The following ELAPOR1 variants were observed in gnomAD, a reference collection of about 807,000 sequenced individuals.
ELAPOR1 encodes the protein endosome-lysosome associated apoptosis and autophagy regulator 1.
ELAPOR1 carries 77 observed loss-of-function variants against 119.7 expected under a neutral mutation model. That is an observed-to-expected ratio of 0.64 (90% CI 0.54 to 0.78). The LOEUF (loss-of-function observed/expected upper bound fraction) is 0.78, where lower values mean the gene tolerates loss of function less well. Ranked by LOEUF, ELAPOR1 falls within the 30% of genes least tolerant of loss-of-function variation. ELAPOR1 has a pLI of 0.00. For missense variants in ELAPOR1, 1,115 were observed against 1,270.4 expected, an observed-to-expected ratio of 0.88 and a Z score of 1.86; for synonymous variants, 481 against 487.2, an observed-to-expected ratio of 0.99 and a Z score of 0.17.
At chr1:109,148,502 T>C (rs1052754899) in intron 1 of ELAPOR1, among the ~76,000 whole-genome samples, 3 of 152,234 alleles carry the variant, frequency 2.0e-5, no homozygotes, top group Admixed American at 6.5e-5. Flanking sequence ...AGAACACATA[T>C]GGGAACTCTC....
intron 1 of ELAPOR1, among the ~76,000 whole-genome samples, chr1:109,145,535 G>A (rs1558030363): frequency 2.0e-5 from 3 of 151,824 alleles, no homozygotes; most frequent in Admixed American, 6.6e-5. Flanking sequence ...GCGCACTTGT[G>A]GTCTCAGCTA....
intron 3 of ELAPOR1, among the ~76,000 whole-genome samples, chr1:109,170,976 T>C (rs1221379571): frequency 1.3e-5 from 2 of 152,220 alleles, no homozygotes; most frequent in Non-Finnish European, 2.9e-5. Context: ...CAGCATCTTA[T>C]AGTAGACATT....
intron 1 of ELAPOR1, among the ~76,000 whole-genome samples, chr1:109,148,051 A>T (rs1371074762): frequency 6.7e-6 from 1 of 149,258 alleles, no homozygotes; most frequent in Non-Finnish European, 1.5e-5. Context: ...GTTAGCCAGG[A>T]TGGTCTCGAT....
At chr1:109,157,729 G>A (rs1289273645) in intron 1 of ELAPOR1, among the ~76,000 whole-genome samples, 1 of 152,166 alleles carries the variant, frequency 6.6e-6, no homozygotes, top group East Asian at 1.9e-4. Context: ...CATGAAAGAG[G>A]CTAACCCAGT....
chr1:109,123,110 T>C (rs1419147128), intron 1 of ELAPOR1, among the ~76,000 whole-genome samples: 1 of 152,178 alleles, frequency 6.6e-6, no homozygotes, highest in East Asian at 1.9e-4. Context: ...AGCTGGTAGA[T>C]TGACTGCAAG....
At chr1:109,197,726 AGT>A in intron 16 of ELAPOR1, 72 bp downstream of exon 16, 3 of 1,467,178 alleles carry the variant, frequency 2.0e-6, no homozygotes, top group South Asian at 1.3e-5. Context: ...TGTGTAAGAG[AGT>A]GTGAGGTTAC....
Position 109,171,887 on chromosome 1 carries a change from C to A in ELAPOR1, c.489C>A (p.Gly163=). 1 of 1,614,200 alleles carries A rather than the reference C, an allele frequency of 6.2e-7. No individual in the cohort carries two copies. Among genetic ancestry groups the A allele is most frequent in the Non-Finnish European group, 8.5e-7 (1 of 1,180,024 alleles). Residue 163 remains glycine (G), a synonymous_variant, in exon 4 of 22, where the codon GGC becomes GGA. Coordinates refer to ENST00000369939, the MANE Select transcript of ELAPOR1 (RefSeq NM_020775.5). ...ACAGGTCCAAGTGGGTTCCCCGGGG[C>A]GACTACATCGCCTCCAACACGGACG... ...NCTSSKWVPR[G]DYIASNTDEC...
intron 1 of ELAPOR1, among the ~76,000 whole-genome samples, chr1:109,133,516 T>G (rs530421264): frequency 1.3e-5 from 2 of 152,304 alleles, no homozygotes; most frequent in East Asian, 3.9e-4. Flanking sequence ...TGCAGAGAGA[T>G]TCACCAATTA....
intron 14 of ELAPOR1, 28 bp from the exon 15 acceptor site, chr1:109,194,393 T>C (rs773528548): frequency 8.7e-6 from 14 of 1,605,426 alleles, no homozygotes; most frequent in Non-Finnish European, 1.0e-5. Context: ...CCTGACCAGC[T>C]GGCCCGACCC....
rs1296463049 is a variant in ELAPOR1, at chr1:109,144,062, T to TATA, written c.154-17832_154-17831insATA. On this transcript the variant is annotated intron_variant, in intron 1 of 21. Coordinates refer to ENST00000369939, the MANE Select transcript of ELAPOR1 (RefSeq NM_020775.5). ...ATATATATATATATATATTTATATA[T>TATA]TTTTTTTTTTTTTTGAGATGGAGTT... is the stretch of plus-strand genomic sequence containing the variant. Among the ~76,000 whole-genome samples, 38 of 36,522 alleles carry TATA rather than the reference T, an allele frequency of 1.0e-3. 1 individual carries two copies. The highest frequency in any genetic ancestry group is 1.5e-3 in the East Asian group (1 of 674). The allele number at this position is 36,522 out of a possible 152,430, so 24.0% of individuals were successfully genotyped here.
chr1:109,169,831 G>T (rs1651820197), intron 3 of ELAPOR1, among the ~76,000 whole-genome samples: 1 of 152,168 alleles, frequency 6.6e-6, no homozygotes, highest in South Asian at 2.1e-4. Flanking sequence ...TAAATGGGAG[G>T]CTCACATACA....
chr1:109,166,322 G>A (rs2101048852), intron 3 of ELAPOR1, among the ~76,000 whole-genome samples: 1 of 152,252 alleles, frequency 6.6e-6, no homozygotes, highest in Non-Finnish European at 1.5e-5. Context: ...CAAAGTGCTG[G>A]GATTACAGGC....
Position 109,198,672 on chromosome 1 carries a change from A to T in ELAPOR1, c.2499A>T (p.Pro833=). 1.9e-6 allele frequency: 3 copies of T among 1,612,628 alleles called. No individual in the cohort carries two copies. The highest frequency in any genetic ancestry group is 3.3e-5 in the Admixed American group (2 of 59,828). The change falls in exon 18 of 22, where the codon CCA becomes CCT. Residue 833 remains proline (P), a splice_region_variant and synonymous_variant. Coordinates refer to ENST00000369939, the MANE Select transcript of ELAPOR1 (RefSeq NM_020775.5). The part of the protein sequence containing the change: ...QKTVPGSLLL[P]GTCSDGTCDG... The stretch of plus-strand genomic sequence containing the variant: ...CTGTCCCTGGAAGTTTGCTGCTGCC[A>T]GGGTAAGCCCTGCAAAGGGATGTAA...
intron 1 of ELAPOR1, among the ~76,000 whole-genome samples, chr1:109,157,858 A>G (rs553012968): frequency 5.3e-5 from 8 of 152,154 alleles, no homozygotes; most frequent in Non-Finnish European, 7.3e-5. Context: ...CATCTAACCC[A>G]TAGATTACCT....
In ELAPOR1 at chr1:109,200,008, C is replaced by T. The variant is rs1311379764; in HGVS notation, c.2628+28C>T. ...GGGTTTCCCTCTGATCGGGCACTTC[C>T]ATGAGAGAAGGGAATGGGAGATCTG... On this transcript the variant is annotated intron_variant, in intron 19 of 21. Coordinates refer to ENST00000369939, the MANE Select transcript of ELAPOR1 (RefSeq NM_020775.5). The T allele has an allele frequency of 1.9e-6, 3 of 1,613,796 alleles. No homozygotes were observed. In the Admixed American group the frequency reaches 5.0e-5, roughly 27 times the overall value.
intron 1 of ELAPOR1, among the ~76,000 whole-genome samples, chr1:109,153,858 G>C (rs1650691259): frequency 6.6e-6 from 1 of 151,874 alleles, no homozygotes; most frequent in Admixed American, 6.6e-5. Context: ...TCCTCACCTC[G>C]ATTACAGGCG....
At chr1:109,126,697 C>G (rs963379086) in intron 1 of ELAPOR1, among the ~76,000 whole-genome samples, 1 of 152,146 alleles carries the variant, frequency 6.6e-6, no homozygotes, top group Non-Finnish European at 1.5e-5. Context: ...TCTCAAACTC[C>G]TGACCTCAAG....
intron 16 of ELAPOR1, 34 bp downstream of exon 16, chr1:109,197,688 A>AGAGAGAGTGGGT: frequency 7.3e-7 from 1 of 1,365,692 alleles, no homozygotes. Flanking sequence ...CTTGTTTGAG[A>AGAGAGAGTGGGT]GTGTGTGTGT....
At chr1:109,190,753 C>T (rs1032330436) in intron 11 of ELAPOR1, among the ~76,000 whole-genome samples, 1 of 152,302 alleles carries the variant, frequency 6.6e-6, no homozygotes, top group Non-Finnish European at 1.5e-5. Context: ...CACTACTACC[C>T]CAGCCCGCTT....
Sources: allele counts gnomAD v4.1 joint callset (sites outside exome capture counted in the v4.1 genomes callset), GRCh38; gene constraint gnomAD v4.1.1; transcripts MANE v1.5; gene names NCBI Gene and HGNC (gene_info 2026-07-23, HGNC 2026-07-21).